FAS: variants seen among roughly 807,000 people sequenced by gnomAD.
FAS encodes the protein Fas cell surface death receptor, also known as tumor necrosis factor receptor superfamily member 6.
FAS carries 5 observed loss-of-function variants against 33.2 expected under a neutral mutation model. That is an observed-to-expected ratio of 0.15 (90% CI 0.08 to 0.32). The LOEUF (loss-of-function observed/expected upper bound fraction) is 0.32. FAS is among the 10% of genes least tolerant of loss of function. The probability of loss-of-function intolerance (pLI) is 1.00; values close to 1 mark genes in which losing one functional copy is unlikely to be tolerated. For missense variants in FAS, 339 were observed against 386.0 expected (o/e 0.88, Z 1.02); for synonymous variants, 131 against 130.7 (o/e 1.00, Z -0.01).
intron 2 of FAS, among the ~76,000 whole-genome samples, chr10:89,007,167 C>T (rs2031613): frequency 0.76 from 114,933 of 152,198 alleles, 43,691 homozygotes; most frequent in East Asian, 0.97. Context: ...AACAACACTT[C>T]GTTAAAGATT....
intron 1 of FAS, among the ~76,000 whole-genome samples, chr10:89,001,597 A>G (rs1847936069): frequency 6.6e-6 from 1 of 151,606 alleles, no homozygotes; most frequent in Non-Finnish European, 1.5e-5. Context: ...GCTAGGGCAG[A>G]GTTTCAGTCA....
chr10:88,994,483 G>T (rs1847463111), intron 1 of FAS, among the ~76,000 whole-genome samples: 1 of 152,136 alleles, frequency 6.6e-6, no homozygotes. Flanking sequence ...ATTTAGGACA[G>T]TGAACCCATC....
intron 2 of FAS, among the ~76,000 whole-genome samples, chr10:88,979,812 G>A (rs1337481763): frequency 6.6e-6 from 1 of 152,294 alleles, no homozygotes; most frequent in East Asian, 1.9e-4. Flanking sequence ...AGGATCCAGA[G>A]AGCAACAGCA....
At chr10:88,999,281 G>A (rs1847797746) in intron 1 of FAS, among the ~76,000 whole-genome samples, 1 of 152,024 alleles carries the variant, frequency 6.6e-6, no homozygotes, top group South Asian at 2.1e-4. Flanking sequence ...AATGGGGTGG[G>A]GAGCACTCTT....
At chr10:88,993,107 A>G (rs1489985370) in intron 1 of FAS, among the ~76,000 whole-genome samples, 1 of 151,972 alleles carries the variant, frequency 6.6e-6, no homozygotes, top group Non-Finnish European at 1.5e-5. Context: ...CCCATCCTTA[A>G]CCCCTTTTGC....
intron 1 of FAS, among the ~76,000 whole-genome samples, chr10:88,967,085 G>A (rs1846331832): frequency 2.0e-5 from 3 of 152,166 alleles, no homozygotes; most frequent in South Asian, 4.1e-4. Flanking sequence ...AAGTGAACAG[G>A]AAGAGACCCT....
chr10:89,014,534 G>GT lies in FAS; in HGVS notation c.*90dup. 2.4e-6 allele frequency: 3 copies of GT among 1,263,802 alleles called. No homozygotes were observed. Among genetic ancestry groups the GT allele is most frequent in the Non-Finnish European group, 3.4e-6 (3 of 892,274 alleles). 78.3% of individuals were successfully genotyped at this position (1,263,802 alleles called of 1,614,324 possible). A position where few individuals can be genotyped will look rare whatever the true frequency, so the allele number is the denominator to read the frequency against. Reference sequence around the variant, plus strand: ...AATAGCTGGCTGTAAATACTGCTTGGTTTTTTACTGGGTACATTTTATCAT... The same window carrying GT: ...AATAGCTGGCTGTAAATACTGCTTGGTTTTTTTACTGGGTACATTTTATCAT... On this transcript the variant is annotated 3_prime_UTR_variant, in exon 9 of 9. Transcript: ENST00000652046.
chr10:88,966,917 G>A (rs1846328303), intron 1 of FAS, among the ~76,000 whole-genome samples: 1 of 152,186 alleles, frequency 6.6e-6, no homozygotes, highest in Non-Finnish European at 1.5e-5. Context: ...TGGAAGCTTA[G>A]GATACCATTA....
intron 1 of FAS, among the ~76,000 whole-genome samples, chr10:88,994,278 T>A (rs1847448416): frequency 6.6e-6 from 1 of 152,182 alleles, no homozygotes; most frequent in South Asian, 2.1e-4. Flanking sequence ...AGAGATGGTC[T>A]GAAACCTAAG....
At position 88,990,888 on chromosome 10, in the gene FAS, C is replaced by G. The variant is rs771825085; in HGVS notation, c.12C>G (p.Ile4Met). ...ATTGCTCAACAACCATGCTGGGCATCTGGACCCTCCTACCTCTGGTGAGCC... is the reference window on the plus strand; with the variant it reads ...ATTGCTCAACAACCATGCTGGGCATGTGGACCCTCCTACCTCTGGTGAGCC... MLG[I>M]WTLLPLVLTS... The change falls in exon 1 of 9, where the codon ATC becomes ATG. Residue 4 changes from isoleucine (I) to methionine (M), a missense_variant. Transcript: ENST00000652046. The surrounding 1 kb of genome is among the most constrained non-coding windows in gnomAD (Gnocchi z 4.9). 16 of 1,614,122 alleles carry G rather than the reference C, an allele frequency of 9.9e-6. No homozygotes were observed. Among genetic ancestry groups the G allele is most frequent in the Non-Finnish European group, 1.4e-5 (16 of 1,180,040 alleles).
At position 89,015,228 on chromosome 10, in the gene FAS, T is replaced by G. The variant is rs1322874756; in HGVS notation, c.*778T>G. On this transcript the variant is annotated 3_prime_UTR_variant, in exon 9 of 9. Transcript: ENST00000652046. ...TCCATTTTTGCCTTGGTGCTCATCT[T>G]AATGGCCTAATGCACCCCCAAACAT... The G allele has an allele frequency of 1.9e-6, 1 of 534,850 alleles. No individual in the cohort carries two copies. The highest frequency in any genetic ancestry group is 1.5e-5 in the South Asian group (1 of 65,168). The allele number at this position is 534,850 out of a possible 1,614,324, so 33.1% of individuals were successfully genotyped here.
intron 1 of FAS, among the ~76,000 whole-genome samples, chr10:88,967,838 G>C (rs1435807142): frequency 2.0e-5 from 3 of 152,138 alleles, no homozygotes; most frequent in African/African-American, 7.2e-5. Context: ...CAGGAAAATG[G>C]TTGGCAAAGT....
chr10:88,974,112 G>GT (rs1000624870), intron 2 of FAS: 1 of 152,032 alleles, frequency 6.6e-6, no homozygotes, highest in African/African-American at 2.4e-5. Flanking sequence ...TCTGTTTTGT[G>GT]TATTTACATA....
At chr10:88,996,353 T>C (rs1348112957) in intron 1 of FAS, among the ~76,000 whole-genome samples, 1 of 151,958 alleles carries the variant, frequency 6.6e-6, no homozygotes, top group Non-Finnish European at 1.5e-5. Flanking sequence ...GAAAGACAAA[T>C]ACTGCATGAT....
At chr10:88,977,029 T>G (rs1452628803) in intron 2 of FAS, among the ~76,000 whole-genome samples, 1 of 152,238 alleles carries the variant, frequency 6.6e-6, no homozygotes, top group African/African-American at 2.4e-5. Context: ...GCTTATTTTC[T>G]GCTATTTTGA....
At chr10:88,987,330 T>A (rs1589433709), upstream of FAS, among the ~76,000 whole-genome samples, 1 of 152,244 alleles carries the variant, frequency 6.6e-6, no homozygotes, top group East Asian at 1.9e-4. Context: ...AGTTAAGATT[T>A]TTTCAGTTGT....
At position 89,003,077 on chromosome 10, in the gene FAS, G is replaced by A. The variant is rs201624874; in HGVS notation, c.79G>A (p.Val27Met). The stretch of plus-strand genomic sequence containing the variant: ...ATCGTCCAAAAGTGTTAATGCCCAA[G>A]TGACTGACATCAACTCCAAGGGATT... ...RLSSKSVNAQ[V>M]TDINSKGLEL... The change falls in exon 2 of 9, where the codon GTG (valine) becomes ATG (methionine). Residue 27 changes from valine to methionine, a missense_variant. Around this residue, in one of 3 missense-constraint regions of FAS, gnomAD observed 276 missense variants for 300.1 expected, o/e 0.92. Coordinates refer to ENST00000652046, the MANE Select transcript of FAS (RefSeq NM_000043.6). 4 of 1,614,134 alleles carry A rather than the reference G, an allele frequency of 2.5e-6. No individual in the cohort carries two copies. The highest frequency in any genetic ancestry group is 1.3e-5 in the African/African-American group (1 of 75,042).
intron 1 of FAS, among the ~76,000 whole-genome samples, chr10:88,996,753 A>G: frequency 6.6e-6 from 1 of 152,328 alleles, no homozygotes; most frequent in Non-Finnish European, 1.5e-5. Context: ...ATAAATATAT[A>G]TAATTTTTTT....
intron 1 of FAS, among the ~76,000 whole-genome samples, chr10:88,971,126 T>A (rs889612187): frequency 6.6e-6 from 1 of 152,228 alleles, no homozygotes; most frequent in African/African-American, 2.4e-5. Context: ...TAGCCAATTG[T>A]AGATTTGGGC....
Sources: gnomAD v4.1 joint callset for allele counts (sites outside exome capture counted in the v4.1 genomes callset) on GRCh38, gnomAD v4.1.1 for gene constraint, gnomAD v4.1.1 regional missense constraint, Gnocchi (gnomAD v3.1) non-coding constraint, MANE v1.5 for transcripts, NCBI Gene and HGNC (gene_info 2026-07-23, HGNC 2026-07-21) for gene names.